The following MACROD2 variants were observed in gnomAD, a reference collection of about 807,000 sequenced individuals.
The protein encoded by MACROD2 is mono-ADP ribosylhydrolase 2.
MACROD2 carries 36 observed loss-of-function variants against 70.4 expected under a neutral mutation model. That is an observed-to-expected ratio of 0.51 (90% confidence interval 0.39 to 0.68). The LOEUF (loss-of-function observed/expected upper bound fraction) is 0.68. Ranked by LOEUF, MACROD2 falls within the 30% of genes least tolerant of loss-of-function variation. The probability of loss-of-function intolerance (pLI) is 0.00; values close to 1 mark genes in which losing one functional copy is unlikely to be tolerated. For synonymous variants in MACROD2, 172 were observed against 178.8 expected (o/e 0.96, Z 0.30); for missense variants, 496 against 538.4 (o/e 0.92, Z 0.78).
intron 5 of MACROD2, among the ~76,000 whole-genome samples, chr20:14,871,020 C>T (rs2073481726): frequency 6.6e-6 from 1 of 151,998 alleles, no homozygotes; most frequent in South Asian, 2.1e-4. Context: ...GAAATCTTTG[C>T]CCATTCCTAT....
chr20:14,470,960 C>A (rs1474813831), intron 3 of MACROD2, among the ~76,000 whole-genome samples: 1 of 152,152 alleles, frequency 6.6e-6, no homozygotes, highest in South Asian at 2.1e-4. Flanking sequence ...ATTCGAGGTG[C>A]CACTGGGGTA....
intron 7 of MACROD2, among the ~76,000 whole-genome samples, chr20:15,481,520 C>T (rs888466663): frequency 2.0e-5 from 3 of 151,920 alleles, no homozygotes; most frequent in Non-Finnish European, 4.4e-5. Context: ...CACATGTACA[C>T]AATAGAGAGA....
At chr20:15,094,823 G>A (rs989372517) in intron 5 of MACROD2, among the ~76,000 whole-genome samples, 2 of 152,120 alleles carry the variant, frequency 1.3e-5, no homozygotes, top group Admixed American at 6.5e-5. Context: ...GTCCCTGTGT[G>A]TAAGGTTATT....
chr20:15,411,149 TAC>T (rs55750139), intron 6 of MACROD2, among the ~76,000 whole-genome samples: 2,686 of 144,262 alleles, frequency 0.019, 64 homozygotes, highest in African/African-American at 0.049. Flanking sequence ...GATATGTATT[TAC>T]ACACACACAC....
intron 8 of MACROD2, among the ~76,000 whole-genome samples, chr20:15,742,837 A>G (rs997460476): frequency 2.6e-5 from 4 of 152,238 alleles, no homozygotes; most frequent in African/African-American, 9.6e-5. Flanking sequence ...CACAATCAGC[A>G]TAAGCGTGGG....
intron 8 of MACROD2, among the ~76,000 whole-genome samples, chr20:15,854,575 C>T (rs1157020626): frequency 6.6e-6 from 1 of 152,126 alleles, no homozygotes; most frequent in East Asian, 1.9e-4. Context: ...AACTGTGAAA[C>T]TGTGAGATAA....
At chr20:15,734,579 G>A (rs1278865358) in intron 8 of MACROD2, among the ~76,000 whole-genome samples, 2 of 152,302 alleles carry the variant, frequency 1.3e-5, no homozygotes, top group Non-Finnish European at 2.9e-5. Context: ...ATCCACCTAA[G>A]ACATGCATAG....
chr20:15,270,615 G>A (rs1160763492), intron 6 of MACROD2, among the ~76,000 whole-genome samples: 1 of 152,128 alleles, frequency 6.6e-6, no homozygotes, highest in Non-Finnish European at 1.5e-5. Flanking sequence ...ATAACCTAAA[G>A]ATAAAATTAA....
At chr20:15,430,581 G>C (rs981598863) in intron 6 of MACROD2, among the ~76,000 whole-genome samples, 3 of 151,898 alleles carry the variant, frequency 2.0e-5, no homozygotes, top group Non-Finnish European at 4.4e-5. Context: ...AGAGTAAAAT[G>C]TACATTTATA....
intron 8 of MACROD2, among the ~76,000 whole-genome samples, chr20:15,770,695 T>A (rs998172259): frequency 6.6e-6 from 1 of 152,122 alleles, no homozygotes; most frequent in Non-Finnish European, 1.5e-5. Flanking sequence ...TCACGTGTGC[T>A]GGAGCAGACC....
intron 5 of MACROD2, among the ~76,000 whole-genome samples, chr20:15,143,869 G>A (rs1345407802): frequency 6.7e-6 from 1 of 149,638 alleles, no homozygotes; most frequent in Non-Finnish European, 1.5e-5. Context: ...CAATCTTTTG[G>A]CTTCCCTGGG....
chr20:14,663,551 CACACAT>C lies in MACROD2; in HGVS notation c.302-21291_302-21286del, dbSNP rs916950941. Among the ~76,000 whole-genome samples the C allele has an allele frequency of 1.2e-4, 17 of 145,214 alleles. No homozygotes were observed. In the South Asian group the frequency reaches 1.4e-3, roughly 12 times the overall value. Reference sequence around the variant, plus strand: ...ACACACACACACACACACACACACACACACATGCACACATATATATATATAAAATGA... The same window carrying C: ...ACACACACACACACACACACACACACGCACACATATATATATATAAAATGA... On this transcript the variant is annotated intron_variant, in intron 4 of 17. Coordinates refer to ENST00000684519, the MANE Select transcript of MACROD2 (RefSeq NM_001351661.2).
intron 3 of MACROD2, among the ~76,000 whole-genome samples, chr20:14,119,460 G>A (rs980993171): frequency 6.6e-6 from 1 of 152,024 alleles, no homozygotes; most frequent in Non-Finnish European, 1.5e-5. Flanking sequence ...ATGAGCCATC[G>A]CACCTGGCCA....
chr20:14,900,776 T>C (rs2073885982), intron 5 of MACROD2, among the ~76,000 whole-genome samples: 1 of 152,018 alleles, frequency 6.6e-6, no homozygotes, highest in Admixed American at 6.5e-5. Flanking sequence ...TGGTTTTCTC[T>C]TTTGTTATTC....
intron 4 of MACROD2, among the ~76,000 whole-genome samples, chr20:14,549,140 C>T (rs1185650749): frequency 6.6e-6 from 1 of 152,180 alleles, no homozygotes; most frequent in Non-Finnish European, 1.5e-5. Flanking sequence ...GACTGCCATG[C>T]ACACCATTCT....
intron 3 of MACROD2, among the ~76,000 whole-genome samples, chr20:14,186,931 A>G (rs899618820): frequency 1.7e-4 from 26 of 152,240 alleles, no homozygotes; most frequent in African/African-American, 6.0e-4. Context: ...AGCAGTAGAC[A>G]CAGGGCACTG....
At chr20:16,015,114 G>A (rs960425504) in intron 15 of MACROD2, among the ~76,000 whole-genome samples, 1 of 152,010 alleles carries the variant, frequency 6.6e-6, no homozygotes, top group Non-Finnish European at 1.5e-5. Context: ...GACTAAGAAG[G>A]AATCACCTGT....
chr20:14,600,564 GTTAAT>G (rs1982431443), intron 4 of MACROD2, among the ~76,000 whole-genome samples: 2 of 152,004 alleles, frequency 1.3e-5, no homozygotes, highest in Non-Finnish European at 2.9e-5. Flanking sequence ...CTGTTCAAAT[GTTAAT>G]TTAGTCTTTT....
Position 15,399,642 on chromosome 20 carries a change from C to G in MACROD2, c.541-31763C>G, listed in dbSNP as rs151241651. On this transcript the variant is annotated intron_variant, in intron 6 of 17. Transcript: ENST00000684519. ...CACCCAAATGATGGCACTCTTCTTTCTGGCACAATAAGCATTTTAAGTGAA... is the reference window on the plus strand; with the variant it reads ...CACCCAAATGATGGCACTCTTCTTTGTGGCACAATAAGCATTTTAAGTGAA... Among the ~76,000 whole-genome samples, 885 of 152,326 alleles carry G rather than the reference C, an allele frequency of 5.8e-3. 5 individuals carry two copies. Among genetic ancestry groups the G allele is most frequent in the African/African-American group, 0.02 (842 of 41,572 alleles).
Sources: gnomAD v4.1 joint callset for allele counts (sites outside exome capture counted in the v4.1 genomes callset) on GRCh38, gnomAD v4.1.1 for gene constraint, MANE v1.5 for transcripts, NCBI Gene and HGNC (gene_info 2026-07-23, HGNC 2026-07-21) for gene names.